The following ZNF215 variants were observed in gnomAD, a reference collection of about 807,000 sequenced individuals.
The protein encoded by ZNF215 is BWSCR2-associated zinc finger protein 2.
ZNF215 carries 24 observed loss-of-function variants against 27.2 expected under a neutral mutation model. The observed-to-expected ratio is 0.88, with a 90% CI of 0.64 to 1.24. The LOEUF is 1.24. Ranked by LOEUF, ZNF215 falls within the 50% of genes most tolerant of loss-of-function variation. The probability of loss-of-function intolerance (pLI) is 0.00; values close to 1 mark genes in which losing one functional copy is unlikely to be tolerated. For synonymous variants in ZNF215, 210 were observed against 204.0 expected (o/e 1.03, Z -0.25); for missense variants, 675 against 605.7 (o/e 1.11, Z -1.20).
chr11:6,974,828 T>G, intron 5 of ZNF215, among the ~76,000 whole-genome samples: 1 of 152,174 alleles, frequency 6.6e-6, no homozygotes, highest in Non-Finnish European at 1.5e-5. Context: ...TACAATCATG[T>G]CATCTGCAAA....
At chr11:6,933,699 G>A (rs1849343717) in intron 3 of ZNF215, among the ~76,000 whole-genome samples, 1 of 151,638 alleles carries the variant, frequency 6.6e-6, no homozygotes, top group African/African-American at 2.4e-5. Context: ...GGAGGCTGAG[G>A]CAGGAGAATG....
At chr11:6,944,733 T>C (rs1239946257) in intron 6 of ZNF215, among the ~76,000 whole-genome samples, 1 of 152,204 alleles carries the variant, frequency 6.6e-6, no homozygotes, top group African/African-American at 2.4e-5. Context: ...TTGTAATGTT[T>C]TATCTCTGTG....
intron 6 of ZNF215, among the ~76,000 whole-genome samples, chr11:6,950,542 T>C (rs1850012776): frequency 6.6e-6 from 1 of 151,844 alleles, no homozygotes; most frequent in Non-Finnish European, 1.5e-5. Context: ...TTGTCTGTTA[T>C]TGGTGTATAA....
Position 6,956,537 on chromosome 11 carries a change from GAA to G in ZNF215, c.*11_*12del. ...ATACTCGAGATAAGTCCTGAAAAAAGAAAAAATGAAAGATTACCTTCAGTCAG... is the reference window on the plus strand; with the variant it reads ...ATACTCGAGATAAGTCCTGAAAAAAGAAAATGAAAGATTACCTTCAGTCAG... On this transcript the variant is annotated 3_prime_UTR_variant, in exon 7 of 7. Transcript: ENST00000278319. 6.5e-7 allele frequency: 1 copy of G among 1,548,172 alleles called. No homozygotes were observed. The highest frequency in any genetic ancestry group is 8.7e-7 in the Non-Finnish European group (1 of 1,153,498).
downstream of ZNF215, among the ~76,000 whole-genome samples, chr11:6,962,181 A>G (rs1208062696): frequency 6.6e-6 from 1 of 152,210 alleles, no homozygotes; most frequent in Non-Finnish European, 1.5e-5. Flanking sequence ...TTTAATCCTT[A>G]GGCCTGAAAA....
At chr11:6,955,472 T>C (rs1046061828) in intron 6 of ZNF215, among the ~76,000 whole-genome samples, 6 of 152,244 alleles carry the variant, frequency 3.9e-5, no homozygotes, top group African/African-American at 1.2e-4. Context: ...ACCGTTTTTT[T>C]AGTATTCCAG....
At chr11:6,972,001 A>T (rs561966181) in intron 5 of ZNF215, among the ~76,000 whole-genome samples, 1 of 152,118 alleles carries the variant, frequency 6.6e-6, no homozygotes, top group Non-Finnish European at 1.5e-5. Context: ...TGCCAAGTCT[A>T]TTTACTAAAG....
At position 6,955,630 on chromosome 11, in the gene ZNF215, C is replaced by T. The variant is rs565769592; in HGVS notation, c.713-60C>T. The T allele has an allele frequency of 2.2e-4, 327 of 1,514,478 alleles. 6 individuals are homozygous for T. The South Asian group carries it at 2.8e-3, about 13-fold the overall frequency. 93.8% of individuals were successfully genotyped at this position (1,514,478 alleles called of 1,614,324 possible). A position where few individuals can be genotyped will look rare whatever the true frequency, so the allele number is the denominator to read the frequency against. ...ATGCATATACCTTATACAGTTCAGCCTCCATTTCCTATTGAAGCAGTTTCC... is the reference window on the plus strand; with the variant it reads ...ATGCATATACCTTATACAGTTCAGCTTCCATTTCCTATTGAAGCAGTTTCC... On this transcript the variant is annotated intron_variant, in intron 6 of 6. Coordinates refer to ENST00000278319, the MANE Select transcript of ZNF215 (RefSeq NM_013250.4).
At chr11:6,942,350 G>A (rs954505314) in intron 4 of ZNF215, among the ~76,000 whole-genome samples, 12 of 152,076 alleles carry the variant, frequency 7.9e-5, no homozygotes, top group Admixed American at 7.9e-4. Flanking sequence ...GATACAGGAG[G>A]GAATTTATTA....
At position 6,957,162 on chromosome 11, in the gene ZNF215, T is replaced by C. The variant is rs1850392973; in HGVS notation, c.*631T>C. 2.0e-6 allele frequency: 2 copies of C among 985,358 alleles called. No individual in the cohort carries two copies. The highest frequency in any genetic ancestry group is 6.1e-5 in the Admixed American group (1 of 16,272). 61.0% of individuals were successfully genotyped at this position (985,358 alleles called of 1,614,324 possible). On this transcript the variant is annotated 3_prime_UTR_variant, in exon 7 of 7. Transcript: ENST00000278319. ...TGTTAATCTATATGTATTCTTAAAA[T>C]CTGCATTTGTTTATAGCAGGTCCTT...
At chr11:6,985,761 A>C (rs1391665357), downstream of ZNF215, among the ~76,000 whole-genome samples, 1 of 152,198 alleles carries the variant, frequency 6.6e-6, no homozygotes, top group Non-Finnish European at 1.5e-5. Context: ...CTGAGAGCCA[A>C]ATCAAGAATG....
At chr11:6,966,573 A>G (rs1590080526) in intron 5 of ZNF215, among the ~76,000 whole-genome samples, 1 of 152,258 alleles carries the variant, frequency 6.6e-6, no homozygotes, top group East Asian at 1.9e-4. Context: ...ATTGTTCACA[A>G]TATTACCTTG....
Position 6,955,965 on chromosome 11 carries a change from G to C in ZNF215, c.988G>C (p.Gly330Arg), listed in dbSNP as rs759948677. The C allele has an allele frequency of 6.2e-7, 1 of 1,612,984 alleles. No homozygotes were observed. Among genetic ancestry groups the C allele is most frequent in the Non-Finnish European group, 8.5e-7 (1 of 1,179,728 alleles). The change falls in exon 7 of 7, where the codon GGG becomes CGG. Residue 330 changes from glycine (G) to arginine (R), a missense_variant. Physicochemically the swap from Gly to Arg is moderately radical, Grantham distance 125. Coordinates refer to ENST00000278319, the MANE Select transcript of ZNF215 (RefSeq NM_013250.4). The stretch of plus-strand genomic sequence containing the variant: ...ACAAGTGGGAATTCCTTCAAGAAAG[G>C]GGTCTCCAAAATGTGATAAGTTTAA... ...AIQVGIPSRK[G>R]SPKCDKFKTY... is the part of the protein sequence containing the mutation.
intron 5 of ZNF215, among the ~76,000 whole-genome samples, chr11:6,983,424 T>C (rs898283953): frequency 6.6e-6 from 1 of 152,144 alleles, no homozygotes; most frequent in Admixed American, 6.6e-5. Context: ...CAGCATCATC[T>C]TGATACCAAA....
At position 6,972,094 on chromosome 11, in the gene ZNF215, C is replaced by T. The variant is rs190177139; in HGVS notation, c.806-12035C>T. On this transcript the variant is annotated intron_variant, in intron 5 of 5. Transcript: ENST00000529903. Reference sequence around the variant, plus strand: ...CTACTCATCTAGAACCTTGAGACTGCCTACTATTATCTGGGAAACTACATT... The same window carrying T: ...CTACTCATCTAGAACCTTGAGACTGTCTACTATTATCTGGGAAACTACATT... Among the ~76,000 whole-genome samples, 766 of 152,104 alleles carry T rather than the reference C, an allele frequency of 5.0e-3. 4 individuals are homozygous for T. The highest frequency in any genetic ancestry group is 7.9e-3 in the Non-Finnish European group (539 of 67,952).
intron 5 of ZNF215, among the ~76,000 whole-genome samples, chr11:6,963,059 C>A (rs545744557): frequency 2.7e-4 from 41 of 152,110 alleles, no homozygotes; most frequent in Non-Finnish European, 5.2e-4. Flanking sequence ...TTTCTTAGTG[C>A]CCTTTATTTC....
chr11:6,984,957 AT>A (rs1294706680), downstream of ZNF215, among the ~76,000 whole-genome samples: 3 of 152,224 alleles, frequency 2.0e-5, no homozygotes, highest in Non-Finnish European at 4.4e-5. Flanking sequence ...TCACAGCCGA[AT>A]TCCACCAGAT....
At chr11:6,929,812 A>C (rs1416584318) in intron 2 of ZNF215, among the ~76,000 whole-genome samples, 1 of 148,910 alleles carries the variant, frequency 6.7e-6, no homozygotes, top group Non-Finnish European at 1.5e-5. Flanking sequence ...CTTTGGCAGG[A>C]AATTCCTATG....
chr11:6,970,233 T>C (rs746953440), intron 5 of ZNF215, among the ~76,000 whole-genome samples: 3 of 152,072 alleles, frequency 2.0e-5, no homozygotes, highest in Non-Finnish European at 2.9e-5. Context: ...CAAAATGCAA[T>C]CAGTGAAATA....
Sources: gnomAD v4.1 joint callset for allele counts (sites outside exome capture counted in the v4.1 genomes callset) on GRCh38, gnomAD v4.1.1 for gene constraint, MANE v1.5 for transcripts, NCBI Gene and HGNC (gene_info 2026-07-23, HGNC 2026-07-21) for gene names.